CSMD1: variants seen among roughly 807,000 people sequenced by gnomAD.
CSMD1 encodes the protein CUB and sushi domain-containing protein 1.
Under a neutral mutation model 417.5 loss-of-function variants are expected in CSMD1, and 213 were observed. That is an observed-to-expected ratio of 0.51 (90% confidence interval 0.46 to 0.57). CSMD1 has a LOEUF of 0.57. CSMD1 is among the 20% of genes least tolerant of loss of function. The probability of loss-of-function intolerance (pLI) is 0.00; values close to 1 mark genes in which losing one functional copy is unlikely to be tolerated. For synonymous variants in CSMD1, 2,862 were observed against 1,736.8 expected (o/e 1.65, Z -16.11); for missense variants, 6,923 against 4,529.7 (o/e 1.53, Z -15.17).
chr8:4,943,497 AAAAAATAAAATG>A (rs1304007500), intron 1 of CSMD1, among the ~76,000 whole-genome samples: 1 of 44,478 alleles, frequency 2.2e-5, no homozygotes, highest in Middle Eastern at 8.9e-3. Context: ...CACCGTCTCA[AAAAAATAAAATG>A]AAATAAAATA....
intron 11 of CSMD1, among the ~76,000 whole-genome samples, chr8:3,491,166 G>GAC (rs1479823219): frequency 6.6e-6 from 1 of 152,116 alleles, no homozygotes; most frequent in Non-Finnish European, 1.5e-5. Flanking sequence ...AGATGCAAAA[G>GAC]ACTGTCAAAG....
At chr8:4,122,114 G>A (rs1336632833) in intron 3 of CSMD1, among the ~76,000 whole-genome samples, 3 of 151,828 alleles carry the variant, frequency 2.0e-5, no homozygotes, top group East Asian at 1.9e-4. Flanking sequence ...GTATCGTATA[G>A]GATATCAGAG....
intron 11 of CSMD1, among the ~76,000 whole-genome samples, chr8:3,477,982 ATAT>A (rs1817525342): frequency 6.6e-6 from 1 of 152,220 alleles, no homozygotes; most frequent in Non-Finnish European, 1.5e-5. Flanking sequence ...ATAAATAATC[ATAT>A]TATTAAATAC....
At chr8:4,267,614 T>C (rs1323622583) in intron 3 of CSMD1, among the ~76,000 whole-genome samples, 2 of 151,928 alleles carry the variant, frequency 1.3e-5, no homozygotes, top group Admixed American at 1.3e-4. Context: ...AAATGGACAT[T>C]TATATTAAAT....
chr8:4,568,188 T>G (rs1447692482), intron 2 of CSMD1, among the ~76,000 whole-genome samples: 1 of 152,172 alleles, frequency 6.6e-6, no homozygotes, highest in Non-Finnish European at 1.5e-5. Flanking sequence ...GTGCAGAAAG[T>G]GCCAGTTTGA....
intron 3 of CSMD1, among the ~76,000 whole-genome samples, chr8:4,355,266 A>G (rs1584947945): frequency 6.6e-6 from 1 of 151,902 alleles, no homozygotes; most frequent in Non-Finnish European, 1.5e-5. Context: ...AAATAAATAA[A>G]TAAATATACC....
At chr8:4,885,701 A>G (rs955118517) in intron 1 of CSMD1, among the ~76,000 whole-genome samples, 8 of 151,440 alleles carry the variant, frequency 5.3e-5, no homozygotes, top group African/African-American at 1.7e-4. Context: ...TATTAGAGAT[A>G]TAATAAAGAT....
intron 1 of CSMD1, among the ~76,000 whole-genome samples, chr8:4,782,695 T>G (rs1302817233): frequency 6.6e-6 from 1 of 152,168 alleles, no homozygotes; most frequent in African/African-American, 2.4e-5. Flanking sequence ...AGATGAGTAT[T>G]TTATCTTTGT....
chr8:3,688,145 T>G (rs963455456), intron 7 of CSMD1, among the ~76,000 whole-genome samples: 1 of 152,198 alleles, frequency 6.6e-6, no homozygotes, highest in African/African-American at 2.4e-5. Flanking sequence ...ATACCTTATA[T>G]TTAGACACAA....
intron 3 of CSMD1, among the ~76,000 whole-genome samples, chr8:4,322,505 T>C (rs562557398): frequency 4.6e-5 from 7 of 152,020 alleles, no homozygotes; most frequent in Non-Finnish European, 7.4e-5. Context: ...CAGTTGTGGG[T>C]TCAGGGAAGG....
chr8:3,583,013 T>C (rs1563173291), intron 9 of CSMD1, among the ~76,000 whole-genome samples: 2 of 152,170 alleles, frequency 1.3e-5, no homozygotes, highest in African/African-American at 4.8e-5. Context: ...ACATAATCAG[T>C]TGGGAAGTCT....
At chr8:3,523,608 T>TAC (rs373137163) in intron 10 of CSMD1, among the ~76,000 whole-genome samples, 3 of 150,436 alleles carry the variant, frequency 2.0e-5, no homozygotes, top group African/African-American at 7.4e-5. Context: ...CATGTGCATG[T>TAC]ACACACACAC....
intron 3 of CSMD1, among the ~76,000 whole-genome samples, chr8:4,399,512 C>T (rs1219607751): frequency 6.6e-6 from 1 of 152,138 alleles, no homozygotes; most frequent in Non-Finnish European, 1.5e-5. Flanking sequence ...CTTAGCTTAA[C>T]ATTCAAGAAA....
intron 5 of CSMD1, among the ~76,000 whole-genome samples, chr8:3,916,183 A>T (rs1215418385): frequency 6.6e-6 from 1 of 152,132 alleles, no homozygotes; most frequent in African/African-American, 2.4e-5. Flanking sequence ...TGAAGACAAC[A>T]ATACAATGAT....
intron 29 of CSMD1, among the ~76,000 whole-genome samples, chr8:3,216,603 C>A (rs771497743): frequency 6.6e-6 from 1 of 152,172 alleles, no homozygotes; most frequent in African/African-American, 2.4e-5. Flanking sequence ...TGCATCTAAT[C>A]TTTTAGTTCC....
chr8:4,127,710 T>C (rs1647337), intron 3 of CSMD1, among the ~76,000 whole-genome samples: 13,331 of 152,280 alleles, frequency 0.088, 803 homozygotes, highest in Non-Finnish European at 0.13. Flanking sequence ...GATGAATAAA[T>C]TTAAGAAAGG....
intron 5 of CSMD1, among the ~76,000 whole-genome samples, chr8:3,831,008 G>A (rs1480599744): frequency 2.6e-5 from 4 of 152,072 alleles, no homozygotes; most frequent in African/African-American, 7.2e-5. Flanking sequence ...AAAAATTTCT[G>A]CTTGTTGGCT....
chr8:4,834,583 A>C (rs981189066), intron 1 of CSMD1, among the ~76,000 whole-genome samples: 31 of 152,188 alleles, frequency 2.0e-4, no homozygotes, highest in Non-Finnish European at 4.0e-4. Flanking sequence ...TACGAGTTCA[A>C]AAAGAATGAG....
At chr8:4,236,039 G>GTTTTTTTTT (rs869245155) in intron 3 of CSMD1, among the ~76,000 whole-genome samples, 3 of 31,678 alleles carry the variant, frequency 9.5e-5, no homozygotes, top group African/African-American at 2.1e-4. Flanking sequence ...TTTTTTGTTT[G>GTTTTTTTTT]TTTTTTTTTT....
Sources: gnomAD v4.1 joint callset for allele counts (sites outside exome capture counted in the v4.1 genomes callset) on GRCh38, gnomAD v4.1.1 for gene constraint, MANE v1.5 for transcripts, NCBI Gene and HGNC (gene_info 2026-07-23, HGNC 2026-07-21) for gene names.